Variants in LHFPL6 observed in about 807,000 individuals in gnomAD.
LHFPL6 encodes the protein LHFPL tetraspan subfamily member 6.
LHFPL6 carries 9 observed loss-of-function variants against 20.6 expected under a neutral mutation model. The ratio of observed to expected loss-of-function variants is 0.44; its 90% confidence interval spans 0.26 to 0.76. The LOEUF (loss-of-function observed/expected upper bound fraction) is 0.76. Among genes scored for constraint, LHFPL6 ranks in the 30% least tolerant of loss-of-function variants. The pLI is 0.20. For synonymous variants in LHFPL6, 105 were observed against 98.7 expected, an observed-to-expected ratio of 1.06 and a Z score of -0.38; for missense variants, 218 against 253.5, an observed-to-expected ratio of 0.86 and a Z score of 0.95.
intron 2 of LHFPL6, among the ~76,000 whole-genome samples, chr13:39,463,692 G>C (rs1054513975): frequency 1.3e-5 from 2 of 152,174 alleles, no homozygotes; most frequent in African/African-American, 2.4e-5. Flanking sequence ...CAAGTGAGGA[G>C]AGAAAAGGGC....
intron 2 of LHFPL6, among the ~76,000 whole-genome samples, chr13:39,399,163 A>G (rs1870918888): frequency 1.3e-5 from 2 of 152,152 alleles, no homozygotes; most frequent in South Asian, 4.1e-4. Context: ...TTCAACATAC[A>G]TGTTTGTAAG....
chr13:39,409,961 C>T (rs1290531718), intron 2 of LHFPL6, among the ~76,000 whole-genome samples: 1 of 152,162 alleles, frequency 6.6e-6, no homozygotes, highest in Non-Finnish European at 1.5e-5. Context: ...ATTTTTGTTA[C>T]AGAAGCAATA....
chr13:39,577,210 T>G (rs1872142728), intron 2 of LHFPL6, among the ~76,000 whole-genome samples: 1 of 152,194 alleles, frequency 6.6e-6, no homozygotes, highest in Non-Finnish European at 1.5e-5. Context: ...GGTTACAGTA[T>G]TCCTAAATTG....
At chr13:39,515,444 T>A (rs1869876927) in intron 2 of LHFPL6, among the ~76,000 whole-genome samples, 1 of 152,248 alleles carries the variant, frequency 6.6e-6, no homozygotes, top group Non-Finnish European at 1.5e-5. Flanking sequence ...GTCACTTGAA[T>A]TGACATAAAG....
At chr13:39,579,392 ACATGACTCTTGTAACAGCATGCTTC>A (rs1872212576) in intron 2 of LHFPL6, among the ~76,000 whole-genome samples, 3 of 152,322 alleles carry the variant, frequency 2.0e-5, no homozygotes, top group South Asian at 4.1e-4. Flanking sequence ...ACCCAGCAGG[ACATGACTCTTGTAACAGCATGCTTC>A]CATGACATAG....
At chr13:39,593,844 T>C (rs1303949621) in intron 2 of LHFPL6, among the ~76,000 whole-genome samples, 3 of 152,134 alleles carry the variant, frequency 2.0e-5, no homozygotes, top group Non-Finnish European at 4.4e-5. Flanking sequence ...TTGACAAACC[T>C]GACAAAAATG....
At chr13:39,356,892 G>A (rs1326452688) in intron 3 of LHFPL6, among the ~76,000 whole-genome samples, 2 of 152,218 alleles carry the variant, frequency 1.3e-5, no homozygotes, top group South Asian at 2.1e-4. Flanking sequence ...CAATCAGGCT[G>A]GGCATGGTGG....
intron 2 of LHFPL6, among the ~76,000 whole-genome samples, chr13:39,483,035 T>C (rs2138446773): frequency 6.6e-6 from 1 of 152,318 alleles, no homozygotes; most frequent in South Asian, 2.1e-4. Context: ...TGTTGGTAAA[T>C]TTTATTTTAC....
intron 2 of LHFPL6, among the ~76,000 whole-genome samples, chr13:39,562,391 T>TATAC (rs1871518036): frequency 6.0e-4 from 26 of 42,996 alleles, no homozygotes; most frequent in South Asian, 4.0e-3. Flanking sequence ...TACATATACA[T>TATAC]ATATATACAT....
At chr13:39,367,952 T>A (rs920490986) in intron 3 of LHFPL6, among the ~76,000 whole-genome samples, 4 of 152,114 alleles carry the variant, frequency 2.6e-5, no homozygotes, top group African/African-American at 7.2e-5. Context: ...ATTAATAACA[T>A]CTCCACCTAT....
chr13:39,398,453 T>G (rs932068502), intron 2 of LHFPL6, among the ~76,000 whole-genome samples: 3 of 152,146 alleles, frequency 2.0e-5, no homozygotes, highest in African/African-American at 7.2e-5. Flanking sequence ...ATTTCTCAAC[T>G]CCCTAAAGGG....
intron 2 of LHFPL6, among the ~76,000 whole-genome samples, chr13:39,536,422 G>A (rs1452726157): frequency 1.3e-5 from 2 of 152,084 alleles, no homozygotes; most frequent in Non-Finnish European, 1.5e-5. Context: ...TACCAAAGCC[G>A]TGCCTCTTCC....
intron 2 of LHFPL6, among the ~76,000 whole-genome samples, chr13:39,441,325 G>C (rs1258817731): frequency 7.9e-5 from 12 of 151,410 alleles, no homozygotes; most frequent in Non-Finnish European, 5.9e-5. Flanking sequence ...GCTATTAGTT[G>C]ATCAGGAAGT....
chr13:39,352,678 C>T (rs981220631), intron 3 of LHFPL6, among the ~76,000 whole-genome samples: 1 of 151,328 alleles, frequency 6.6e-6, no homozygotes, highest in East Asian at 1.9e-4. Context: ...TATCTTTTGT[C>T]TGTGATATTT....
At chr13:39,504,596 C>G (rs1317634931) in intron 2 of LHFPL6, among the ~76,000 whole-genome samples, 1 of 152,210 alleles carries the variant, frequency 6.6e-6, no homozygotes, top group Non-Finnish European at 1.5e-5. Flanking sequence ...CCTACATGGT[C>G]CTTCCCTCTG....
chr13:39,416,069 C>T (rs961473640), intron 2 of LHFPL6, among the ~76,000 whole-genome samples: 10 of 152,074 alleles, frequency 6.6e-5, no homozygotes, highest in African/African-American at 1.7e-4. Context: ...CCTTGGGTAA[C>T]GACTGAAGTT....
intron 3 of LHFPL6, among the ~76,000 whole-genome samples, chr13:39,373,219 AG>A (rs1423638707): frequency 2.0e-5 from 3 of 152,174 alleles, no homozygotes; most frequent in African/African-American, 7.2e-5. Flanking sequence ...CATAAAACAC[AG>A]GCTGGACGTT....
At chr13:39,557,033 C>T (rs890188194) in intron 2 of LHFPL6, among the ~76,000 whole-genome samples, 3 of 152,044 alleles carry the variant, frequency 2.0e-5, no homozygotes, top group African/African-American at 4.8e-5. Flanking sequence ...GCCCTGTGGT[C>T]GAGAAGGATT....
chr13:39,557,740 C>T (rs1212701175), intron 2 of LHFPL6, among the ~76,000 whole-genome samples: 1 of 152,180 alleles, frequency 6.6e-6, no homozygotes, highest in Non-Finnish European at 1.5e-5. Flanking sequence ...TGGGAGGTGT[C>T]GGATAGTAAC....
Sources: gnomAD v4.1 joint callset for allele counts (sites outside exome capture counted in the v4.1 genomes callset) on GRCh38, gnomAD v4.1.1 for gene constraint, MANE v1.5 for transcripts, NCBI Gene and HGNC (gene_info 2026-07-23, HGNC 2026-07-21) for gene names.